The following TMEM67 variants were observed in gnomAD, a reference collection of about 807,000 sequenced individuals.
The protein encoded by TMEM67 is meckelin.
In TMEM67, 124 loss-of-function variants were observed where a neutral mutation model predicts 136.6. That is an observed-to-expected ratio of 0.91 (90% confidence interval 0.78 to 1.05). The LOEUF (loss-of-function observed/expected upper bound fraction) is 1.05, where lower values mean the gene tolerates loss of function less well. Among genes scored for constraint, TMEM67 ranks in the 50% least tolerant of loss-of-function variants. The pLI, the probability that TMEM67 is intolerant of heterozygous loss-of-function variation, is 0.00. For missense variants in TMEM67, 1,107 were observed against 1,178.4 expected, an observed-to-expected ratio of 0.94 and a Z score of 0.89; for synonymous variants, 364 against 390.5, an observed-to-expected ratio of 0.93 and a Z score of 0.80.
At chr8:93,826,541 A>T in the TMEM67 span, among the ~76,000 whole-genome samples, 1 of 152,102 alleles carries the variant, frequency 6.6e-6, no homozygotes, top group South Asian at 2.1e-4. Context: ...TACATGTTTA[A>T]TTGGGTAGTG....
intron 26 of TMEM67, among the ~76,000 whole-genome samples, chr8:93,814,456 G>A (rs867195938): frequency 1.4e-5 from 2 of 143,108 alleles, no homozygotes; most frequent in Middle Eastern, 3.8e-3. Flanking sequence ...AGCTTTCATC[G>A]GGCTTTTTTT....
chr8:93,762,903 C>A, intron 3 of TMEM67: 1 of 424,932 alleles, frequency 2.4e-6, no homozygotes, highest in Non-Finnish European at 4.7e-6. Context: ...CTCTGATGCT[C>A]TGTTAGATTT....
Position 93,797,058 on chromosome 8 carries a change from A to G in TMEM67, c.1861-76A>G. On this transcript the variant is annotated intron_variant, in intron 18 of 27. Transcript: ENST00000453321. The stretch of plus-strand genomic sequence containing the variant: ...TTCTTGTGATAACAGTATGTTTCTT[A>G]AAGAGTCAATATTGGTTTTATAAGC... The G allele has an allele frequency of 4.7e-6, 4 of 849,204 alleles. No homozygotes were observed. In the Admixed American group the frequency reaches 5.2e-5, roughly 11 times the overall value. The allele number at this position is 849,204 out of a possible 1,614,324, so 52.6% of individuals were successfully genotyped here.
chr8:93,808,198 A>G (rs1815241415), intron 23 of TMEM67, among the ~76,000 whole-genome samples: 1 of 148,218 alleles, frequency 6.7e-6, no homozygotes, highest in African/African-American at 2.5e-5. Flanking sequence ...CTACTTAAAT[A>G]TATATATATG....
Position 93,815,419 on chromosome 8 carries a change from C to T in TMEM67, c.2879C>T (p.Ala960Val). The T allele has an allele frequency of 6.2e-7, 1 of 1,612,746 alleles. No individual in the cohort carries two copies. Among genetic ancestry groups the T allele is most frequent in the Non-Finnish European group, 8.5e-7 (1 of 1,179,586 alleles). The change falls in exon 27 of 28, where the codon GCA becomes GTA. Residue 960 changes from alanine (A) to valine (V), a missense_variant. By Grantham distance (64) the Ala-to-Val change is moderately conservative (BLOSUM62 0). Coordinates refer to ENST00000453321, the MANE Select transcript of TMEM67 (RefSeq NM_153704.6). Reference sequence around the variant, plus strand: ...TTGGCTTGCCAAAATTTTATTTTAGCATCCTTCCTTACATATCTACAACAA... The same window carrying T: ...TTGGCTTGCCAAAATTTTATTTTAGTATCCTTCCTTACATATCTACAACAA... ...VDLACQNFIL[A>V]SFLTYLQQEI...
At chr8:93,806,293 A>G (rs1815146052) in intron 23 of TMEM67, among the ~76,000 whole-genome samples, 1 of 152,210 alleles carries the variant, frequency 6.6e-6, no homozygotes, top group South Asian at 2.1e-4. Flanking sequence ...AAAATCTGGG[A>G]GATTTTTAGT....
intron 7 of TMEM67, among the ~76,000 whole-genome samples, chr8:93,776,833 C>T (rs942695828): frequency 2.0e-5 from 3 of 152,096 alleles, no homozygotes; most frequent in Non-Finnish European, 4.4e-5. Context: ...TGTATCTCTG[C>T]CAGGCTTTGG....
At chr8:93,811,631 A>G (rs1019578260) in intron 26 of TMEM67, among the ~76,000 whole-genome samples, 29 of 152,142 alleles carry the variant, frequency 1.9e-4, no homozygotes, top group African/African-American at 7.0e-4. Context: ...GTATATTTGC[A>G]GTTTAATCAC....
chr8:93,828,421 C>T, the TMEM67 span, among the ~76,000 whole-genome samples: 1 of 152,154 alleles, frequency 6.6e-6, no homozygotes, highest in Non-Finnish European at 1.5e-5. Context: ...CTTCAAGCAG[C>T]ACTACTTAAT....
intron 23 of TMEM67, among the ~76,000 whole-genome samples, chr8:93,807,647 G>A (rs1383092429): frequency 2.0e-5 from 3 of 151,554 alleles, no homozygotes; most frequent in Admixed American, 2.0e-4. Context: ...TCTTTATTTT[G>A]TAAATTTTCT....
At chr8:93,804,509 T>G (rs1182429105) in intron 22 of TMEM67, among the ~76,000 whole-genome samples, 5 of 137,488 alleles carry the variant, frequency 3.6e-5, no homozygotes, top group Non-Finnish European at 7.8e-5. Context: ...TTTGTAGAGA[T>G]AGAGTTTCCC....
chr8:93,804,898 C>A lies in TMEM67; in HGVS notation c.2439+20C>A. ...GAAGCGGTATGAAAATGTTTTACAT[C>A]TTTTTGTTTTTAAGTTGAGAAGTGG... On this transcript the variant is annotated intron_variant, in intron 23 of 27. Transcript: ENST00000453321. 7.3e-7 allele frequency: 1 copy of A among 1,377,466 alleles called. No homozygotes were observed. Among genetic ancestry groups the A allele is most frequent in the Non-Finnish European group, 1.0e-6 (1 of 965,634 alleles). 85.3% of individuals were successfully genotyped at this position (1,377,466 alleles called of 1,614,324 possible).
chr8:93,788,014 A>T, intron 14 of TMEM67, 65 bp downstream of exon 14: 1 of 1,277,494 alleles, frequency 7.8e-7, no homozygotes, highest in Non-Finnish European at 1.1e-6. Context: ...TTCAGTTTAC[A>T]TTTTGGTCAA....
intron 26 of TMEM67, among the ~76,000 whole-genome samples, chr8:93,813,845 C>A (rs947628290): frequency 6.6e-6 from 1 of 152,066 alleles, no homozygotes; most frequent in Non-Finnish European, 1.5e-5. Context: ...ATTGCTGGAG[C>A]AATGTTAGTA....
intron 18 of TMEM67, among the ~76,000 whole-genome samples, chr8:93,796,376 C>G (rs975452681): frequency 6.6e-6 from 1 of 152,170 alleles, no homozygotes; most frequent in African/African-American, 2.4e-5. Context: ...TTTTGTCTGT[C>G]TCCAGATTCC....
At chr8:93,804,078 C>T (rs542778623) in intron 22 of TMEM67, among the ~76,000 whole-genome samples, 2 of 151,234 alleles carry the variant, frequency 1.3e-5, no homozygotes, top group South Asian at 4.2e-4. Context: ...ATGGGGTTTC[C>T]CCATGTTGGC....
intron 15 of TMEM67, among the ~76,000 whole-genome samples, chr8:93,792,939 A>AT (rs896966795): frequency 6.6e-6 from 1 of 151,610 alleles, no homozygotes; most frequent in Non-Finnish European, 1.5e-5. Context: ...TGCCCAGCTA[A>AT]TTTTTTGTAT....
chr8:93,760,647 C>G (rs1812786145), intron 3 of TMEM67, among the ~76,000 whole-genome samples: 1 of 150,994 alleles, frequency 6.6e-6, no homozygotes. Context: ...TCCTGACCAG[C>G]CTGGGCAATA....
chr8:93,830,382 T>A, the TMEM67 span, among the ~76,000 whole-genome samples: 2 of 152,176 alleles, frequency 1.3e-5, no homozygotes, highest in Non-Finnish European at 2.9e-5. Flanking sequence ...CTCTAGCAAA[T>A]TAACCCAACC....
Sources: allele counts gnomAD v4.1 joint callset (sites outside exome capture counted in the v4.1 genomes callset), GRCh38; gene constraint gnomAD v4.1.1; transcripts MANE v1.5; gene names NCBI Gene and HGNC (gene_info 2026-07-23, HGNC 2026-07-21).